The following MRAP variants were observed in gnomAD, a reference collection of about 807,000 sequenced individuals.
The protein encoded by MRAP is melanocortin 2 receptor accessory protein, also known as melanocortin-2 receptor accessory protein.
MRAP carries 8 observed loss-of-function variants against 8.7 expected under a neutral mutation model. The observed-to-expected ratio is 0.92, with a 90% CI of 0.54 to 1.66. MRAP has a LOEUF of 1.66. Among genes scored for constraint, MRAP ranks in the 40% most tolerant of loss-of-function variants. The pLI, the probability that MRAP is intolerant of heterozygous loss-of-function variation, is 0.00. For missense variants in MRAP, 237 were observed against 217.1 expected (o/e 1.09, Z -0.58); for synonymous variants, 95 against 95.5 (o/e 1.00, Z 0.03).
chr21:32,294,761 G>A (rs2032110574), upstream of MRAP, among the ~76,000 whole-genome samples: 1 of 152,112 alleles, frequency 6.6e-6, no homozygotes, highest in African/African-American at 2.4e-5. Context: ...GATTGGGATT[G>A]CAGGGAACAC....
At chr21:32,310,432 C>T (rs2032531771) in intron 2 of MRAP, among the ~76,000 whole-genome samples, 1 of 152,138 alleles carries the variant, frequency 6.6e-6, no homozygotes, top group Admixed American at 6.5e-5. Context: ...TCACTTGGTA[C>T]TCTTCATTTG....
At chr21:32,292,009 G>T (rs1453873160) in intron 1 of MRAP, among the ~76,000 whole-genome samples, 1 of 152,114 alleles carries the variant, frequency 6.6e-6, no homozygotes, top group Non-Finnish European at 1.5e-5. Context: ...TCAAGCAATT[G>T]CAACACATGG....
intron 2 of MRAP, among the ~76,000 whole-genome samples, chr21:32,310,224 A>G (rs952312779): frequency 2.0e-5 from 3 of 152,156 alleles, no homozygotes; most frequent in South Asian, 2.1e-4. Context: ...ATGGCTTACT[A>G]AAGAAAATGC....
At chr21:32,314,432 G>A (rs562418835), downstream of MRAP, 29 of 853,880 alleles carry the variant, frequency 3.4e-5, 1 homozygote, top group Admixed American at 9.8e-5. Flanking sequence ...TGATTCACCC[G>A]CCTTGGCCTC....
chr21:32,310,106 G>T (rs1008884447), intron 2 of MRAP, among the ~76,000 whole-genome samples: 1 of 152,186 alleles, frequency 6.6e-6, no homozygotes, highest in African/African-American at 2.4e-5. Flanking sequence ...GGTCTGGTCC[G>T]GCAAGCCCAG....
At chr21:32,308,983 G>A (rs2032485007) in intron 2 of MRAP, among the ~76,000 whole-genome samples, 1 of 152,214 alleles carries the variant, frequency 6.6e-6, no homozygotes, top group Non-Finnish European at 1.5e-5. Context: ...CCCATGCCAG[G>A]TCCCGTGAAG....
intron 1 of MRAP, among the ~76,000 whole-genome samples, chr21:32,305,859 T>C (rs1289926909): frequency 6.6e-6 from 1 of 151,488 alleles, no homozygotes; most frequent in Non-Finnish European, 1.5e-5. Flanking sequence ...TGGCCTAACA[T>C]TCCCAAACTG....
upstream of MRAP, among the ~76,000 whole-genome samples, chr21:32,296,288 G>A (rs1384508353): frequency 6.6e-6 from 1 of 152,108 alleles, no homozygotes; most frequent in Non-Finnish European, 1.5e-5. Context: ...GATACTGGGG[G>A]TGAAGGCTTC....
At chr21:32,304,980 T>G (rs1437647175) in intron 1 of MRAP, among the ~76,000 whole-genome samples, 86 of 143,606 alleles carry the variant, frequency 6.0e-4, no homozygotes, top group Non-Finnish European at 1.0e-3. Context: ...TTTTTTTTTT[T>G]TTTTTTTTTT....
chr21:32,302,123 T>C (rs2032309786), intron 1 of MRAP, among the ~76,000 whole-genome samples: 1 of 152,244 alleles, frequency 6.6e-6, no homozygotes, highest in African/African-American at 2.4e-5. Flanking sequence ...ACTGATGTTG[T>C]TGGGTGGCCA....
chr21:32,301,220 C>G (rs1299518899), intron 1 of MRAP, among the ~76,000 whole-genome samples: 2 of 152,136 alleles, frequency 1.3e-5, no homozygotes, highest in Non-Finnish European at 2.9e-5. Flanking sequence ...CCTCACCTTC[C>G]CAAAGTGCTG....
upstream of MRAP, among the ~76,000 whole-genome samples, chr21:32,296,660 T>C (rs1161777088): frequency 6.6e-6 from 1 of 152,212 alleles, no homozygotes; most frequent in African/African-American, 2.4e-5. Flanking sequence ...CTGAATACTG[T>C]AGGCAATTAT....
intron 2 of MRAP, among the ~76,000 whole-genome samples, chr21:32,309,266 C>T (rs1054831057): frequency 2.0e-5 from 3 of 151,984 alleles, no homozygotes; most frequent in Non-Finnish European, 2.9e-5. Context: ...CAGGTCTCCA[C>T]GAGTTTTGGT....
chr21:32,311,808 G>A lies in MRAP; in HGVS notation c.331G>A (p.Val111Met). Residue 111 changes from valine to methionine, a missense_variant, in exon 3 of 3, where the codon GTG (valine) becomes ATG (methionine). Physicochemically the swap from Val to Met is conservative, Grantham distance 21 (BLOSUM62 1). Coordinates refer to ENST00000303645, the MANE Select transcript of MRAP (RefSeq NM_001379228.1). ...AACCTCACAGGCTCAGGCGAGCTCA[G>A]TGGAGCCAGGGAGCAGAACTGGCCC... ...LATSQAQASS[V>M]EPGSRTGPDQ... The A allele has an allele frequency of 6.2e-7, 1 of 1,614,108 alleles. No individual in the cohort carries two copies. The highest frequency in any genetic ancestry group is 8.5e-7 in the Non-Finnish European group (1 of 1,180,038).
At position 32,298,910 on chromosome 21, in the gene MRAP, G is replaced by A. The variant is rs2032192884; in HGVS notation, c.-62G>A. On this transcript the variant is annotated 5_prime_UTR_variant, in exon 1 of 3. Transcript: ENST00000303645. ...TCAGTGAGGCAGTCTCCTCCCAGGG[G>A]CTTGGCGCCTGGCTCGAGGCGAGGC... 4.2e-6 allele frequency: 5 copies of A among 1,201,512 alleles called. No homozygotes were observed. The highest frequency in any genetic ancestry group is 3.5e-5 in the Admixed American group (2 of 56,638). 74.4% of individuals were successfully genotyped at this position (1,201,512 alleles called of 1,614,324 possible). A position where few individuals can be genotyped will look rare whatever the true frequency, so the allele number is the denominator to read the frequency against.
At position 32,299,078 on chromosome 21, in the gene MRAP, G is replaced by T. The variant is rs566223651; in HGVS notation, c.106+1G>T. The T allele has an allele frequency of 6.2e-7, 1 of 1,612,992 alleles. No homozygotes were observed. Among genetic ancestry groups the T allele is most frequent in the Non-Finnish European group, 8.5e-7 (1 of 1,179,096 alleles). ...GAGAAGAAGCTGAAAGCCCACAAAC[G>T]TAAGTCTGAACTAGGGAAGCCGGTC... On this transcript the variant is annotated splice_donor_variant, in intron 1 of 2. Coordinates refer to ENST00000303645, the MANE Select transcript of MRAP (RefSeq NM_001379228.1). LOFTEE classifies it high-confidence loss of function.
intron 1 of MRAP, among the ~76,000 whole-genome samples, chr21:32,304,953 G>GTTTTTTTTTTTTTTT (rs1159686772): frequency 8.8e-6 from 1 of 113,826 alleles, no homozygotes; most frequent in African/African-American, 3.7e-5. Context: ...AGGGGGATTT[G>GTTTTTTTTTTTTTTT]TTTTTTTTGT....
At chr21:32,300,695 CAGG>C (rs1569026388) in intron 1 of MRAP, among the ~76,000 whole-genome samples, 14 of 91,532 alleles carry the variant, frequency 1.5e-4, no homozygotes, top group South Asian at 6.5e-4. Context: ...CGTCCTATGT[CAGG>C]GGCGTCATGC....
At chr21:32,309,943 C>A (rs1232433014) in intron 2 of MRAP, among the ~76,000 whole-genome samples, 1 of 151,966 alleles carries the variant, frequency 6.6e-6, no homozygotes, top group Non-Finnish European at 1.5e-5. Flanking sequence ...GAAATCTGTT[C>A]TTTTCTTTCA....
Sources: allele counts gnomAD v4.1 joint callset (sites outside exome capture counted in the v4.1 genomes callset), GRCh38; gene constraint gnomAD v4.1.1; transcripts MANE v1.5; gene names NCBI Gene and HGNC (gene_info 2026-07-23, HGNC 2026-07-21).